Variants in SIPA1L2 observed in about 807,000 individuals in gnomAD.
The protein encoded by SIPA1L2 is signal-induced proliferation-associated 1-like protein 2.
SIPA1L2 carries 56 observed loss-of-function variants against 163.9 expected under a neutral mutation model. The ratio of observed to expected loss-of-function variants is 0.34; its 90% confidence interval spans 0.28 to 0.43. The LOEUF is 0.43. Among genes scored for constraint, SIPA1L2 ranks in the 20% least tolerant of loss-of-function variants. The pLI, the probability that SIPA1L2 is intolerant of heterozygous loss-of-function variation, is 1.00. For synonymous variants in SIPA1L2, 877 were observed against 865.7 expected, an observed-to-expected ratio of 1.01 and a Z score of -0.23; for missense variants, 1,974 against 2,193.5, an observed-to-expected ratio of 0.90 and a Z score of 2.00.
chr1:232,412,463 G>C (rs1374788967), intron 19 of SIPA1L2, among the ~76,000 whole-genome samples: 3 of 152,150 alleles, frequency 2.0e-5, no homozygotes, highest in African/African-American at 7.2e-5. Flanking sequence ...GACATGTTTT[G>C]GGTTATCTTT....
chr1:232,603,629 A>G (rs1661729546), intron 1 of SIPA1L2, among the ~76,000 whole-genome samples: 1 of 152,034 alleles, frequency 6.6e-6, no homozygotes, highest in African/African-American at 2.4e-5. Flanking sequence ...GGTGGAAGAC[A>G]AGACTGGGGC....
At chr1:232,595,191 G>A (rs946879010) in intron 1 of SIPA1L2, among the ~76,000 whole-genome samples, 1 of 152,154 alleles carries the variant, frequency 6.6e-6, no homozygotes, top group Admixed American at 6.5e-5. Context: ...ACTGGCTAGT[G>A]AGGTCTGGCC....
At chr1:232,507,103 T>C (rs908771240) in intron 3 of SIPA1L2, among the ~76,000 whole-genome samples, 1 of 152,192 alleles carries the variant, frequency 6.6e-6, no homozygotes, top group African/African-American at 2.4e-5. Flanking sequence ...ATGTCCTTTT[T>C]CTGTACAGGA....
intron 2 of SIPA1L2, among the ~76,000 whole-genome samples, chr1:232,526,545 A>C (rs1038004953): frequency 1.3e-5 from 2 of 152,196 alleles, no homozygotes; most frequent in Non-Finnish European, 2.9e-5. Flanking sequence ...ATCTGGCAGG[A>C]GGCGGAGCTC....
At chr1:232,416,804 A>C (rs1661290682) in intron 18 of SIPA1L2, among the ~76,000 whole-genome samples, 1 of 152,080 alleles carries the variant, frequency 6.6e-6, no homozygotes, top group South Asian at 2.1e-4. Context: ...CCACTCACCC[A>C]CCCTGTATTC....
intron 2 of SIPA1L2, among the ~76,000 whole-genome samples, chr1:232,529,436 T>G (rs1005822437): frequency 3.3e-5 from 5 of 152,224 alleles, no homozygotes; most frequent in African/African-American, 7.2e-5. Flanking sequence ...ATCGACCTAC[T>G]AAGTATGAAG....
intron 3 of SIPA1L2, among the ~76,000 whole-genome samples, chr1:232,508,123 G>C (rs2103031032): frequency 6.6e-6 from 1 of 152,174 alleles, no homozygotes; most frequent in African/African-American, 2.4e-5. Context: ...ACATTCAGAG[G>C]AACACGCGCT....
chr1:232,620,399 A>T (rs1662739514), intron 1 of SIPA1L2, among the ~76,000 whole-genome samples: 1 of 152,164 alleles, frequency 6.6e-6, no homozygotes, highest in Non-Finnish European at 1.5e-5. Context: ...GGAAGTACAG[A>T]TGTGCTAAGC....
At chr1:232,523,016 G>A (rs966432302) in intron 2 of SIPA1L2, among the ~76,000 whole-genome samples, 1 of 152,200 alleles carries the variant, frequency 6.6e-6, no homozygotes, top group African/African-American at 2.4e-5. Context: ...GAAGCTGAGT[G>A]AGTTGCCCAA....
chr1:232,539,800 C>G (rs1657534358), intron 2 of SIPA1L2, among the ~76,000 whole-genome samples: 1 of 152,160 alleles, frequency 6.6e-6, no homozygotes, highest in African/African-American at 2.4e-5. Flanking sequence ...AGAGAGCCCC[C>G]CAGTGACCTG....
At chr1:232,433,050 G>GGC (rs1462019482) in intron 15 of SIPA1L2, among the ~76,000 whole-genome samples, 1 of 152,042 alleles carries the variant, frequency 6.6e-6, no homozygotes, top group African/African-American at 2.4e-5. Flanking sequence ...CCACTCCAAG[G>GGC]GCGCACACAC....
intron 1 of SIPA1L2, among the ~76,000 whole-genome samples, chr1:232,579,159 C>G (rs113877504): frequency 2.0e-5 from 3 of 152,212 alleles, no homozygotes; most frequent in African/African-American, 7.2e-5. Context: ...CTGTTTTCTC[C>G]GCAAAAGAAA....
At chr1:232,473,233 A>G (rs1202425885) in intron 7 of SIPA1L2, among the ~76,000 whole-genome samples, 1 of 152,256 alleles carries the variant, frequency 6.6e-6, no homozygotes, top group Non-Finnish European at 1.5e-5. Context: ...GACAAGGAAA[A>G]ATCAGGAATA....
chr1:232,545,669 A>G (rs867227923), intron 2 of SIPA1L2, among the ~76,000 whole-genome samples: 11 of 152,350 alleles, frequency 7.2e-5, no homozygotes, highest in Middle Eastern at 3.4e-3. Context: ...GAAGGAAAAC[A>G]CTTTTCTCAA....
intron 15 of SIPA1L2, among the ~76,000 whole-genome samples, chr1:232,434,580 G>C (rs1244569297): frequency 6.6e-6 from 1 of 152,130 alleles, no homozygotes; most frequent in African/African-American, 2.4e-5. Context: ...TGAGGAGTAA[G>C]GCAAGCAATC....
intron 1 of SIPA1L2, among the ~76,000 whole-genome samples, chr1:232,594,910 C>A (rs1245665130): frequency 6.6e-6 from 1 of 152,194 alleles, no homozygotes; most frequent in South Asian, 2.1e-4. Flanking sequence ...GCAGCGCCCA[C>A]ACCCAGGCTG....
At chr1:232,419,741 C>T (rs1661458796) in intron 18 of SIPA1L2, among the ~76,000 whole-genome samples, 1 of 152,222 alleles carries the variant, frequency 6.6e-6, no homozygotes. Flanking sequence ...CCAATTAAAT[C>T]TCTTTTCTTA....
At chr1:232,475,362 G>A (rs1255406781) in intron 7 of SIPA1L2, among the ~76,000 whole-genome samples, 1 of 152,174 alleles carries the variant, frequency 6.6e-6, no homozygotes, top group East Asian at 1.9e-4. Flanking sequence ...CTTTTAGGGA[G>A]ATGGCCCTAA....
At chr1:232,538,901 A>G (rs1394511926) in intron 2 of SIPA1L2, among the ~76,000 whole-genome samples, 1 of 152,194 alleles carries the variant, frequency 6.6e-6, no homozygotes, top group Non-Finnish European at 1.5e-5. Context: ...CGTATATAGA[A>G]TATCATGTTC....
Sources: allele counts gnomAD v4.1 joint callset (sites outside exome capture counted in the v4.1 genomes callset), GRCh38; gene constraint gnomAD v4.1.1; transcripts MANE v1.5; gene names NCBI Gene and HGNC (gene_info 2026-07-23, HGNC 2026-07-21).